Variants in MEGF9 observed in about 807,000 individuals in gnomAD.
MEGF9 encodes the protein multiple EGF like domains 9.
MEGF9 carries 6 observed loss-of-function variants against 46.8 expected under a neutral mutation model. That is an observed-to-expected ratio of 0.13 (90% CI 0.07 to 0.25). MEGF9 has a LOEUF of 0.25. MEGF9 is among the 10% of genes least tolerant of loss of function. MEGF9 has a pLI of 1.00. For missense variants in MEGF9, 683 were observed against 792.4 expected (o/e 0.86, Z 1.66); for synonymous variants, 302 against 330.7 (o/e 0.91, Z 0.94).
chr9:120,620,564 G>GA (rs928147354), intron 3 of MEGF9, among the ~76,000 whole-genome samples: 5 of 152,288 alleles, frequency 3.3e-5, no homozygotes, highest in African/African-American at 1.2e-4. Context: ...ATATAATAAG[G>GA]AAATTACCAT....
chr9:120,612,931 T>C (rs1324783003), intron 3 of MEGF9, among the ~76,000 whole-genome samples: 2 of 151,610 alleles, frequency 1.3e-5, no homozygotes, highest in Non-Finnish European at 2.9e-5. Flanking sequence ...AAATCTTTTT[T>C]TTTTTTTTTT....
intron 1 of MEGF9, among the ~76,000 whole-genome samples, chr9:120,670,688 T>C (rs1484414108): frequency 6.6e-6 from 1 of 152,134 alleles, no homozygotes; most frequent in Non-Finnish European, 1.5e-5. Flanking sequence ...CCCATCAATT[T>C]AACCTTCCCT....
At chr9:120,691,146 A>G (rs527882363) in intron 1 of MEGF9, among the ~76,000 whole-genome samples, 1 of 152,218 alleles carries the variant, frequency 6.6e-6, no homozygotes, top group South Asian at 2.1e-4. Flanking sequence ...GTTACTAGGT[A>G]TTTAACAATG....
At chr9:120,666,654 T>C (rs2043726524) in intron 1 of MEGF9, among the ~76,000 whole-genome samples, 1 of 152,190 alleles carries the variant, frequency 6.6e-6, no homozygotes, top group African/African-American at 2.4e-5. Flanking sequence ...GGTATTTATC[T>C]GAGGGAAATG....
At chr9:120,670,187 C>G (rs1209896150) in intron 1 of MEGF9, among the ~76,000 whole-genome samples, 1 of 152,194 alleles carries the variant, frequency 6.6e-6, no homozygotes, top group Non-Finnish European at 1.5e-5. Flanking sequence ...ACCTCCGCTT[C>G]CTGGATTCAA....
intron 2 of MEGF9, among the ~76,000 whole-genome samples, chr9:120,637,931 T>C (rs1318535955): frequency 6.6e-6 from 1 of 152,042 alleles, no homozygotes; most frequent in East Asian, 1.9e-4. Flanking sequence ...TCAAATATGT[T>C]AATATTTGTA....
chr9:120,622,781 A>G (rs1564414207), intron 2 of MEGF9, 26 bp from the exon 3 acceptor site: 2 of 1,610,668 alleles, frequency 1.2e-6, no homozygotes, highest in Admixed American at 1.7e-5. Context: ...AAGACAATGA[A>G]TAAAAGTAAA....
Position 120,604,296 on chromosome 9 carries a change from C to T in MEGF9, c.*894G>A, listed in dbSNP as rs1207959827. The T allele has an allele frequency of 1.3e-5, 2 of 152,354 alleles. No homozygotes were observed. The highest frequency in any genetic ancestry group is 4.8e-5 in the African/African-American group (2 of 41,446). The allele number at this position is 152,354 out of a possible 1,614,324, so 9.4% of individuals were successfully genotyped here. On this transcript the variant is annotated 3_prime_UTR_variant, in exon 6 of 6. Transcript: ENST00000373930. The stretch of plus-strand genomic sequence containing the variant: ...ATGCTCACCAGAGTCCCAGCTCTAG[C>T]AATATTGCCATCTATTTTACAGTAT...
chr9:120,612,328 G>T, intron 4 of MEGF9, 68 bp downstream of exon 4: 1 of 1,448,752 alleles, frequency 6.9e-7, no homozygotes, highest in Non-Finnish European at 9.3e-7. Context: ...ATTCATCAAT[G>T]CAACTTATAC....
rs1237899558 is a variant in MEGF9 at position 120,603,258 on chromosome 9, G to A, written c.*1932C>T. ...ATGGGGACAACAATTACTTCCTCAG[G>A]GGGCTATGGTGTGGAAGAGAGGACA... On this transcript the variant is annotated 3_prime_UTR_variant, in exon 6 of 6. Transcript: ENST00000373930. 2.0e-5 allele frequency: 3 copies of A among 152,168 alleles called. No homozygotes were observed. Among genetic ancestry groups the A allele is most frequent in the Non-Finnish European group, 4.4e-5 (3 of 68,038 alleles). The allele number at this position is 152,168 out of a possible 1,614,324, so 9.4% of individuals were successfully genotyped here. A position where few individuals can be genotyped will look rare whatever the true frequency, so the allele number is the denominator to read the frequency against.
rs2132350236 is a variant in MEGF9 at position 120,714,284 on chromosome 9, GGCGGC to G, written c.70_74del (p.Ala24ArgfsTer44). 7.9e-7 allele frequency: 1 copy of G among 1,261,980 alleles called. No homozygotes were observed. The highest frequency in any genetic ancestry group is 1.0e-6 in the Non-Finnish European group (1 of 1,004,772). 78.2% of individuals were successfully genotyped at this position (1,261,980 alleles called of 1,614,324 possible). ...AGGCGACGGCGGCGGCGGCGGCGGC[GGCGGC>G]GCAGCACAACAGGGCGAGGCCGCCC... On this transcript the variant is annotated frameshift_variant, in exon 1 of 6. Coordinates refer to ENST00000373930, the MANE Select transcript of MEGF9 (RefSeq NM_001080497.3). LOFTEE classifies it high-confidence loss of function.
At chr9:120,656,546 CAAAA>C (rs11446439) in intron 2 of MEGF9, among the ~76,000 whole-genome samples, 31 of 88,904 alleles carry the variant, frequency 3.5e-4, no homozygotes, top group African/African-American at 1.3e-3. Context: ...GACTCCGTCT[CAAAA>C]AAAAAAAAAA....
chr9:120,608,947 C>T (rs759445574), intron 4 of MEGF9, among the ~76,000 whole-genome samples: 2 of 152,198 alleles, frequency 1.3e-5, no homozygotes, highest in African/African-American at 2.4e-5. Context: ...TTCATCATTT[C>T]TCACCTAGAT....
chr9:120,711,437 CTGTG>C (rs1251591204), intron 1 of MEGF9, among the ~76,000 whole-genome samples: 4 of 152,034 alleles, frequency 2.6e-5, no homozygotes, highest in Non-Finnish European at 4.4e-5. Context: ...TTTAAATACC[CTGTG>C]TGTATGTTCA....
At chr9:120,694,639 T>A (rs367587699) in intron 1 of MEGF9, among the ~76,000 whole-genome samples, 1 of 152,166 alleles carries the variant, frequency 6.6e-6, no homozygotes, top group African/African-American at 2.4e-5. Flanking sequence ...CCAGAGTAGA[T>A]GCAATCTCAT....
chr9:120,662,103 A>G (rs564122115), intron 1 of MEGF9, among the ~76,000 whole-genome samples: 216 of 152,212 alleles, frequency 1.4e-3, no homozygotes, highest in Non-Finnish European at 2.1e-3. Context: ...AATGAGTAAG[A>G]TTAGCAGTAT....
chr9:120,699,579 T>C (rs2043894090), intron 1 of MEGF9, among the ~76,000 whole-genome samples: 2 of 151,122 alleles, frequency 1.3e-5, no homozygotes, highest in South Asian at 4.2e-4. Flanking sequence ...TTAAATTAGC[T>C]GAGCATGGTG....
chr9:120,660,496 A>G (rs771417204), intron 1 of MEGF9, among the ~76,000 whole-genome samples: 2 of 152,180 alleles, frequency 1.3e-5, no homozygotes, highest in Non-Finnish European at 2.9e-5. Flanking sequence ...CTGCTGTGCT[A>G]TCAAATACTA....
chr9:120,612,547 A>C lies in MEGF9; in HGVS notation c.944-8T>G. 6.3e-7 allele frequency: 1 copy of C among 1,594,726 alleles called. No individual in the cohort carries two copies. Among genetic ancestry groups the C allele is most frequent in the Non-Finnish European group, 8.5e-7 (1 of 1,173,062 alleles). On this transcript the variant is annotated splice_region_variant and splice_polypyrimidine_tract_variant and intron_variant, in intron 3 of 5. Transcript: ENST00000373930. Reference sequence around the variant, plus strand: ...GGCAGTTTAAACAAGCACCTAAAAGAAGCAAATTATTTTTAAAAGTTAAAG... The same window carrying C: ...GGCAGTTTAAACAAGCACCTAAAAGCAGCAAATTATTTTTAAAAGTTAAAG...
Sources: gnomAD v4.1 joint callset for allele counts (sites outside exome capture counted in the v4.1 genomes callset) on GRCh38, gnomAD v4.1.1 for gene constraint, MANE v1.5 for transcripts, NCBI Gene and HGNC (gene_info 2026-07-23, HGNC 2026-07-21) for gene names.